Variants in IP6K1 observed in about 807,000 individuals in gnomAD.
IP6K1 encodes the protein inositol hexakisphosphate kinase 1.
IP6K1 carries 13 observed loss-of-function variants against 38.3 expected under a neutral mutation model. The ratio of observed to expected loss-of-function variants is 0.34; its 90% confidence interval spans 0.22 to 0.54. The LOEUF is 0.54. IP6K1 is among the 20% of genes least tolerant of loss of function. IP6K1 has a pLI of 0.92. For synonymous variants in IP6K1, 212 were observed against 229.9 expected (o/e 0.92, Z 0.70); for missense variants, 397 against 599.8 (o/e 0.66, Z 3.53).
rs1288989050 is a variant in IP6K1 at position 49,726,755 on chromosome 3, C to A, written c.*367G>T. 5.9e-6 allele frequency: 2 copies of A among 337,308 alleles called. No individual in the cohort carries two copies. Among genetic ancestry groups the A allele is most frequent in the East Asian group, 4.7e-5 (1 of 21,370 alleles). The allele number at this position is 337,308 out of a possible 1,614,324, so 20.9% of individuals were successfully genotyped here. On this transcript the variant is annotated 3_prime_UTR_variant, in exon 6 of 6. Transcript: ENST00000321599. ...GGAGGGGCCCTGCACCAGCCCAGGG[C>A]TTTACCTTACAATCAGCAGGGCCCT...
chr3:49,734,994 GTTATTCTATACCT>G lies in IP6K1; in HGVS notation c.435-2035_435-2023del, dbSNP rs1322608813. 2.7e-5 allele frequency among the ~76,000 whole-genome samples: 4 copies of G among 149,102 alleles called. No homozygotes were observed. In the East Asian group the frequency reaches 7.7e-4, roughly 29 times the overall value. ...GGACAGTGATGTTATTCTAGGTGAT[GTTATTCTATACCT>G]TTTCACCAGATGACTCATGAAGCAA... On this transcript the variant is annotated intron_variant, in intron 3 of 5. Transcript: ENST00000321599.
chr3:49,735,407 A>T (rs536947404), intron 3 of IP6K1, among the ~76,000 whole-genome samples: 2 of 152,174 alleles, frequency 1.3e-5, no homozygotes, highest in East Asian at 3.8e-4. Flanking sequence ...CTGTTCAGAG[A>T]GAACCATCAA....
chr3:49,732,433 G>C (rs184316186), intron 4 of IP6K1, among the ~76,000 whole-genome samples: 362 of 152,248 alleles, frequency 2.4e-3, no homozygotes, highest in Admixed American at 5.2e-3. Flanking sequence ...CACATGTGAT[G>C]ATTTAAATTT....
intron 2 of IP6K1, among the ~76,000 whole-genome samples, chr3:49,739,296 G>A (rs1235983993): frequency 6.6e-6 from 1 of 151,602 alleles, no homozygotes; most frequent in Non-Finnish European, 1.5e-5. Flanking sequence ...GTAGAGACAG[G>A]ATCTCCCTAT....
At chr3:49,729,123 C>T (rs1433448053) in intron 4 of IP6K1, among the ~76,000 whole-genome samples, 4 of 152,074 alleles carry the variant, frequency 2.6e-5, no homozygotes, top group Non-Finnish European at 4.4e-5. Flanking sequence ...TCCTCCCAGC[C>T]CCTGGGAACC....
At chr3:49,779,824 T>C (rs749373948) in intron 1 of IP6K1, among the ~76,000 whole-genome samples, 5 of 152,108 alleles carry the variant, frequency 3.3e-5, no homozygotes, top group Admixed American at 2.6e-4. Context: ...TAGCCGAGAA[T>C]ACAGGTGAAT....
chr3:49,772,167 T>C (rs1480334767), intron 1 of IP6K1, among the ~76,000 whole-genome samples: 1 of 150,368 alleles, frequency 6.7e-6, no homozygotes, highest in South Asian at 2.1e-4. Flanking sequence ...GAGCTATAAT[T>C]GCACCACTGT....
intron 1 of IP6K1, among the ~76,000 whole-genome samples, chr3:49,763,293 G>C (rs921280105): frequency 2.6e-5 from 4 of 150,960 alleles, no homozygotes; most frequent in African/African-American, 9.8e-5. Flanking sequence ...TTTTAGTAGA[G>C]ACGGGGTTTC....
chr3:49,782,194 G>A (rs956934633), intron 1 of IP6K1, among the ~76,000 whole-genome samples: 8 of 151,078 alleles, frequency 5.3e-5, no homozygotes, highest in Non-Finnish European at 8.8e-5. Flanking sequence ...TTTTTGAGAC[G>A]GAGTCTAGCT....
intron 1 of IP6K1, among the ~76,000 whole-genome samples, chr3:49,763,103 TC>T (rs1294364625): frequency 6.7e-6 from 1 of 150,244 alleles, no homozygotes; most frequent in Non-Finnish European, 1.5e-5. Context: ...GTCAATTATT[TC>T]TTTTTTTTTT....
chr3:49,727,309 T>TGCTGGGGCTGGTGC lies in IP6K1; in HGVS notation c.1138_1139insGCACCAGCCCCAGC (p.Asn380SerfsTer23). The stretch of plus-strand genomic sequence containing the variant: ...GGAGGGACCCGCCTCGGGGCTGGTG[T>TGCTGGGGCTGGTGC]TGCTGGGGCTGGTGCTGGGGCCACA... On this transcript the variant is annotated frameshift_variant, in exon 6 of 6. Coordinates refer to ENST00000321599, the MANE Select transcript of IP6K1 (RefSeq NM_153273.4). LOFTEE classifies it high-confidence loss of function. The surrounding 1 kb of genome is among the most constrained non-coding windows in gnomAD (Gnocchi z 5.9). 5 of 1,614,136 alleles carry TGCTGGGGCTGGTGC rather than the reference T, an allele frequency of 3.1e-6. No individual in the cohort carries two copies. In the East Asian group the frequency reaches 1.1e-4, roughly 36 times the overall value.
At chr3:49,743,241 T>TACACACACACAC (rs202144754) in intron 2 of IP6K1, among the ~76,000 whole-genome samples, 38 of 137,302 alleles carry the variant, frequency 2.8e-4, no homozygotes, top group African/African-American at 7.3e-4. Context: ...AAAAACAAAA[T>TACACACACACAC]ACACACACAC....
intron 1 of IP6K1, among the ~76,000 whole-genome samples, chr3:49,759,477 T>C (rs185635289): frequency 2.6e-5 from 4 of 152,260 alleles, no homozygotes; most frequent in South Asian, 2.1e-4. Context: ...TGTGTTCCTA[T>C]TGGACCTCCA....
At chr3:49,769,118 G>C (rs1260139353) in intron 1 of IP6K1, among the ~76,000 whole-genome samples, 1 of 151,986 alleles carries the variant, frequency 6.6e-6, no homozygotes, top group African/African-American at 2.4e-5. Flanking sequence ...TAGTAAAGAA[G>C]GCATAAATCA....
At chr3:49,728,002 G>A (rs2108219429) in intron 5 of IP6K1, 101 bp downstream of exon 5, 2 of 1,218,234 alleles carry the variant, frequency 1.6e-6, no homozygotes, top group Non-Finnish European at 2.4e-6. Context: ...TAAGGACAGA[G>A]GGGCTCAGGA....
intron 2 of IP6K1, among the ~76,000 whole-genome samples, chr3:49,739,881 G>A (rs1405673717): frequency 6.6e-6 from 1 of 152,056 alleles, no homozygotes; most frequent in Non-Finnish European, 1.5e-5. Flanking sequence ...CAGACATGGT[G>A]GTGCGTGCCT....
At chr3:49,738,144 A>G in intron 3 of IP6K1, 68 bp downstream of exon 3, 1 of 1,290,348 alleles carries the variant, frequency 7.7e-7, no homozygotes, top group Non-Finnish European at 1.1e-6. Context: ...CTGCTTCCCC[A>G]TGATGTGTCA....
chr3:49,744,198 T>TC (rs1463083875), intron 2 of IP6K1, among the ~76,000 whole-genome samples: 1 of 151,300 alleles, frequency 6.6e-6, no homozygotes, highest in Non-Finnish European at 1.5e-5. Flanking sequence ...GTCAGGAGAT[T>TC]GAGACCATCC....
At chr3:49,754,035 G>GA (rs879393244) in intron 1 of IP6K1, among the ~76,000 whole-genome samples, 11 of 152,002 alleles carry the variant, frequency 7.2e-5, no homozygotes, top group South Asian at 4.2e-4. Flanking sequence ...TAAAAAGGGG[G>GA]AAAAAAATCA....
Sources: gnomAD v4.1 joint callset for allele counts (sites outside exome capture counted in the v4.1 genomes callset) on GRCh38, gnomAD v4.1.1 for gene constraint, Gnocchi (gnomAD v3.1) non-coding constraint, MANE v1.5 for transcripts, NCBI Gene and HGNC (gene_info 2026-07-23, HGNC 2026-07-21) for gene names.